The following ATP1A2 variants were observed in gnomAD, a reference collection of about 807,000 sequenced individuals.
ATP1A2 encodes the protein ATPase Na+/K+ transporting subunit alpha 2.
Under a neutral mutation model 113.1 loss-of-function variants are expected in ATP1A2, and 56 were observed. The observed-to-expected ratio is 0.49, with a 90% CI of 0.40 to 0.62. The LOEUF is 0.62. Ranked by LOEUF, ATP1A2 falls within the 20% of genes least tolerant of loss-of-function variation. The pLI, the probability that ATP1A2 is intolerant of heterozygous loss-of-function variation, is 0.00. For missense variants in ATP1A2, 712 were observed against 1,357.8 expected (o/e 0.52, Z 7.47); for synonymous variants, 490 against 526.8 (o/e 0.93, Z 0.96).
rs1000639881 is a variant in ATP1A2, at chr1:160,129,357, C to T, written c.1418C>T (p.Pro473Leu). 2 of 1,614,094 alleles carry T rather than the reference C, an allele frequency of 1.2e-6. No homozygotes were observed. The highest frequency in any genetic ancestry group is 1.7e-6 in the Non-Finnish European group (2 of 1,180,028). Residue 473 changes from proline (P) to leucine (L), a missense_variant, in exon 11 of 23, where the codon CCC (proline) becomes CTC (leucine). By Grantham distance (98) the Pro-to-Leu change is moderately conservative. This residue lies in a region of ATP1A2 where 263 missense variants were observed against 380.6 expected (regional missense o/e 0.69). Coordinates refer to ENST00000361216, the MANE Select transcript of ATP1A2 (RefSeq NM_000702.4). ...GTGAGGAAAATGAGAGACAGAAACC[C>T]CAAGGTGGCAGAGATTCCTTTCAAC... ...GSVRKMRDRN[P>L]KVAEIPFNST...
At position 160,143,302 on chromosome 1, in the gene ATP1A2, A is replaced by C. The variant is rs935012497; in HGVS notation, c.*1980A>C. Reference sequence around the variant, plus strand: ...ATTGGAGATTACTAACTGTGGACAAAAGTTTATCTTTGCACAATCAATAAA... The same window carrying C: ...ATTGGAGATTACTAACTGTGGACAACAGTTTATCTTTGCACAATCAATAAA... On this transcript the variant is annotated 3_prime_UTR_variant, in exon 23 of 23. Coordinates refer to ENST00000361216, the MANE Select transcript of ATP1A2 (RefSeq NM_000702.4). The C allele has an allele frequency of 2.6e-5, 4 of 152,468 alleles. No individual in the cohort carries two copies. The highest frequency in any genetic ancestry group is 5.9e-5 in the Non-Finnish European group (4 of 68,038). The allele number at this position is 152,468 out of a possible 1,614,324, so 9.4% of individuals were successfully genotyped here. A position where few individuals can be genotyped will look rare whatever the true frequency, so the allele number is the denominator to read the frequency against.
chr1:160,128,886 G>A, intron 9 of ATP1A2, 36 bp downstream of exon 9: 1 of 1,613,158 alleles, frequency 6.2e-7, no homozygotes. Context: ...GATAGGATTA[G>A]AGGAGGCTGA....
rs770119694 is a variant in ATP1A2, at chr1:160,135,111, G to A, written c.1965-34G>A. 26 of 1,613,370 alleles carry A rather than the reference G, an allele frequency of 1.6e-5. No individual in the cohort carries two copies. The highest frequency in any genetic ancestry group is 2.2e-5 in the Non-Finnish European group (26 of 1,179,870). On this transcript the variant is annotated intron_variant, in intron 14 of 22. Coordinates refer to ENST00000361216, the MANE Select transcript of ATP1A2 (RefSeq NM_000702.4). This position sits in a 1 kb window ranked among gnomAD's most constrained non-coding sequence, Gnocchi z 6.3. Reference sequence around the variant, plus strand: ...CAGGAGGGGCTGGTACAGGTGCCAGGGGTCAGCTGTCTCTGTCCCCACCCA... The same window carrying A: ...CAGGAGGGGCTGGTACAGGTGCCAGAGGTCAGCTGTCTCTGTCCCCACCCA...
chr1:160,130,950 A>C (rs907396603), intron 13 of ATP1A2, among the ~76,000 whole-genome samples: 7 of 152,074 alleles, frequency 4.6e-5, no homozygotes, highest in African/African-American at 1.7e-4. Flanking sequence ...CTCTCTGTCA[A>C]CTTAGGATGG....
chr1:160,135,396 A>G lies in ATP1A2; in HGVS notation c.2116-38A>G. 1.2e-6 allele frequency: 2 copies of G among 1,614,138 alleles called. No individual in the cohort carries two copies. On this transcript the variant is annotated intron_variant, in intron 15 of 22. Coordinates refer to ENST00000361216, the MANE Select transcript of ATP1A2 (RefSeq NM_000702.4). The surrounding 1 kb of genome is among the most constrained non-coding windows in gnomAD (Gnocchi z 6.3). ...GAGAGGCGAGGAGCCAGGCTTGGGA[A>G]GGGGTTTCGTCCTCAAGTGTGGCCG...
chr1:160,136,309 A>G lies in ATP1A2; in HGVS notation c.2502A>G (p.Arg834=), dbSNP rs1651945920. 2 of 1,614,200 alleles carry G rather than the reference A, an allele frequency of 1.2e-6. No homozygotes were observed. Among genetic ancestry groups the G allele is most frequent in the Non-Finnish European group, 8.5e-7 (1 of 1,180,024 alleles). The change falls in exon 18 of 23, where the codon CGA becomes CGG. Residue 834 remains arginine (R), a synonymous_variant. Coordinates refer to ENST00000361216, the MANE Select transcript of ATP1A2 (RefSeq NM_000702.4). ...GTGATATCATGAAGCGGCAGCCACGAAACTCCCAGACGGACAAGCTGGTGA... is the reference window on the plus strand; with the variant it reads ...GTGATATCATGAAGCGGCAGCCACGGAACTCCCAGACGGACAAGCTGGTGA... ...AESDIMKRQP[R]NSQTDKLVNE...
rs563353086 is a variant in ATP1A2 at position 160,116,735 on chromosome 1, G to A, written c.12+862G>A. ...CTTTTGTGGAATACTGGCAAAAGAGGACACAGAGGGAAAGGGCATGCTGCG... is the reference window on the plus strand; with the variant it reads ...CTTTTGTGGAATACTGGCAAAAGAGAACACAGAGGGAAAGGGCATGCTGCG... On this transcript the variant is annotated intron_variant, in intron 1 of 22. Coordinates refer to ENST00000361216, the MANE Select transcript of ATP1A2 (RefSeq NM_000702.4). Among the ~76,000 whole-genome samples the A allele has an allele frequency of 3.9e-5, 6 of 152,316 alleles. No homozygotes were observed. The South Asian group carries it at 1.2e-3, about 32-fold the overall frequency.
chr1:160,120,772 C>T (rs55683149), intron 1 of ATP1A2, 134 bp from the exon 2 acceptor site: 22,407 of 859,326 alleles, frequency 0.026, 380 homozygotes, highest in Middle Eastern at 0.06. Context: ...ACCCTCCATC[C>T]CCCCTATCTC....
Position 160,142,242 on chromosome 1 carries a change from C to T in ATP1A2, c.*920C>T, listed in dbSNP as rs1450923796. The T allele has an allele frequency of 6.6e-6, 1 of 152,252 alleles. No homozygotes were observed. The highest frequency in any genetic ancestry group is 2.4e-5 in the African/African-American group (1 of 41,452). 9.4% of individuals were successfully genotyped at this position (152,252 alleles called of 1,614,324 possible). On this transcript the variant is annotated 3_prime_UTR_variant, in exon 23 of 23. Coordinates refer to ENST00000361216, the MANE Select transcript of ATP1A2 (RefSeq NM_000702.4). ...ACTTCACCTTCTGTAATACTAAGTCCTCAGAGCTCCATGCTGTTCTGAAAG... is the reference window on the plus strand; with the variant it reads ...ACTTCACCTTCTGTAATACTAAGTCTTCAGAGCTCCATGCTGTTCTGAAAG...
rs746073352 is a variant in ATP1A2, at chr1:160,120,953, C to A, written c.60C>A (p.Gly20=). Residue 20 remains glycine, a synonymous_variant, in exon 2 of 23, where the codon GGC becomes GGA. Coordinates refer to ENST00000361216, the MANE Select transcript of ATP1A2 (RefSeq NM_000702.4). ...SPAATTAENG[G]GKKKQKEKEL... Reference sequence around the variant, plus strand: ...CCGCCACCACGGCAGAGAATGGGGGCGGCAAGAAGAAACAGAAGGAGAAGG... The same window carrying A: ...CCGCCACCACGGCAGAGAATGGGGGAGGCAAGAAGAAACAGAAGGAGAAGG... The A allele has an allele frequency of 5.0e-6, 8 of 1,611,616 alleles. No individual in the cohort carries two copies. Among genetic ancestry groups the A allele is most frequent in the Non-Finnish European group, 6.8e-6 (8 of 1,178,802 alleles).
chr1:160,134,099 C>T (rs1205400091), intron 13 of ATP1A2, among the ~76,000 whole-genome samples: 14 of 143,230 alleles, frequency 9.8e-5, no homozygotes, highest in South Asian at 2.3e-4. Flanking sequence ...CTCACACACA[C>T]GCACACATAC....
In ATP1A2 at chr1:160,135,067, G is replaced by C. The variant is rs1408349879; in HGVS notation, c.1965-78G>C. On this transcript the variant is annotated intron_variant, in intron 14 of 22. Coordinates refer to ENST00000361216, the MANE Select transcript of ATP1A2 (RefSeq NM_000702.4). This position sits in a 1 kb window ranked among gnomAD's most constrained non-coding sequence, Gnocchi z 6.3. The stretch of plus-strand genomic sequence containing the variant: ...CAGCAGGGAGCCTGCAGGCTGCGGT[G>C]GTGAAGAGAGGCAGGGGGCAGGAGG... 24 of 1,592,990 alleles carry C rather than the reference G, an allele frequency of 1.5e-5. No individual in the cohort carries two copies. The highest frequency in any genetic ancestry group is 2.1e-5 in the Non-Finnish European group (24 of 1,164,956).
At chr1:160,116,468 T>G (rs1279039923) in intron 1 of ATP1A2, among the ~76,000 whole-genome samples, 2 of 151,774 alleles carry the variant, frequency 1.3e-5, no homozygotes, top group Non-Finnish European at 2.9e-5. Context: ...CCCCTCCGGA[T>G]GTCCCGAGCA....
In ATP1A2 at chr1:160,123,945, A is replaced by C. The variant is rs201542400; in HGVS notation, c.384A>C (p.Leu128=). 6.2e-7 allele frequency: 1 copy of C among 1,614,016 alleles called. No individual in the cohort carries two copies. The highest frequency in any genetic ancestry group is 8.5e-7 in the Non-Finnish European group (1 of 1,179,922). The change falls in exon 5 of 23, where the codon CTA becomes CTC. Residue 128 remains leucine (L), a splice_region_variant and synonymous_variant. Transcript: ENST00000361216. ...CTGAAACTCTTTCTCCTTACCAGCTATATCTGGGTGTGGTGCTGGCAGCTG... is the reference window on the plus strand; with the variant it reads ...CTGAAACTCTTTCTCCTTACCAGCTCTATCTGGGTGTGGTGCTGGCAGCTG... ...AMEDEPSNDN[L]YLGVVLAAVV... is the part of the protein sequence containing the mutation.
rs1375129909 is a variant in ATP1A2 at position 160,136,891 on chromosome 1, C to T, written c.2710-10C>T. On this transcript the variant is annotated splice_polypyrimidine_tract_variant and intron_variant, in intron 19 of 22. Transcript: ENST00000361216. ...ACACTCTCATCTGTCTCTGCCCACC[C>T]TCCCTCCAGACCTATGAGCAGCGGA... The T allele has an allele frequency of 5.9e-5, 96 of 1,614,142 alleles. No individual in the cohort carries two copies. Among genetic ancestry groups the T allele is most frequent in the Non-Finnish European group, 8.1e-5 (95 of 1,180,058 alleles).
chr1:160,135,324 A>G lies in ATP1A2; in HGVS notation c.2115+29A>G, dbSNP rs1327807918. On this transcript the variant is annotated intron_variant, in intron 15 of 22. Coordinates refer to ENST00000361216, the MANE Select transcript of ATP1A2 (RefSeq NM_000702.4). This position sits in a 1 kb window ranked among gnomAD's most constrained non-coding sequence, Gnocchi z 6.3. ...AGCACAGCCACGGGAGGCAGATGACAGGCAGGGACCGGGGAGGCAGGGACA... is the reference window on the plus strand; with the variant it reads ...AGCACAGCCACGGGAGGCAGATGACGGGCAGGGACCGGGGAGGCAGGGACA... 1.2e-6 allele frequency: 2 copies of G among 1,614,068 alleles called. No homozygotes were observed. Among genetic ancestry groups the G allele is most frequent in the African/African-American group, 2.7e-5 (2 of 74,928 alleles).
Position 160,129,069 on chromosome 1 carries a change from G to T in ATP1A2, c.1306G>T (p.Glu436Ter). 1.2e-6 allele frequency: 2 copies of T among 1,613,850 alleles called. No individual in the cohort carries two copies. The highest frequency in any genetic ancestry group is 2.2e-5 in the South Asian group (2 of 91,020). ...CCGCGCCGTCTTCAAGGCAGGACAG[G>T]AGAACATCTCCGTGTCTAAGGTAGG... ...CNRAVFKAGQ[E>*]NISVSKRDTA... The change falls in exon 10 of 23, where the codon GAG (glutamate) becomes TAG (stop). Residue 436 changes from glutamate to a stop codon, truncating the protein, a stop_gained. Transcript: ENST00000361216. LOFTEE classifies it high-confidence loss of function.
At chr1:160,138,059 C>T (rs1030294826) in intron 20 of ATP1A2, among the ~76,000 whole-genome samples, 1 of 152,112 alleles carries the variant, frequency 6.6e-6, no homozygotes, top group Non-Finnish European at 1.5e-5. Flanking sequence ...GGATGACACA[C>T]GAAGGTGGGA....
chr1:160,118,693 A>G (rs1651268751), intron 1 of ATP1A2, among the ~76,000 whole-genome samples: 1 of 152,158 alleles, frequency 6.6e-6, no homozygotes, highest in Admixed American at 6.5e-5. Flanking sequence ...TGAGCAACAC[A>G]GCCTCCAAAA....
Sources: gnomAD v4.1 joint callset for allele counts (sites outside exome capture counted in the v4.1 genomes callset) on GRCh38, gnomAD v4.1.1 for gene constraint, gnomAD v4.1.1 regional missense constraint, Gnocchi (gnomAD v3.1) non-coding constraint, MANE v1.5 for transcripts, NCBI Gene and HGNC (gene_info 2026-07-23, HGNC 2026-07-21) for gene names.